The following IMPG1 variants were observed in gnomAD, a reference collection of about 807,000 sequenced individuals.
IMPG1 encodes the protein interphotoreceptor matrix proteoglycan 1.
IMPG1 carries 85 observed loss-of-function variants against 92.0 expected under a neutral mutation model. The ratio of observed to expected loss-of-function variants is 0.92; its 90% CI spans 0.78 to 1.11. IMPG1 has a LOEUF of 1.11. Among genes scored for constraint, IMPG1 ranks in the 50% least tolerant of loss-of-function variants. The pLI, the probability that IMPG1 is intolerant of heterozygous loss-of-function variation, is 0.00. For missense variants in IMPG1, 1,022 were observed against 956.0 expected, an observed-to-expected ratio of 1.07 and a Z score of -0.91; for synonymous variants, 367 against 334.1, an observed-to-expected ratio of 1.10 and a Z score of -1.08.
In IMPG1 at chr6:76,025,661, C is replaced by T. The variant is rs1050159841; in HGVS notation, c.498-403G>A. On this transcript the variant is annotated intron_variant, in intron 4 of 16. Transcript: ENST00000369950. ...CTAAAATCTCAGACCCTCAAGCCTG[C>T]ATATCCAGAGTCATTAAGCTTATCT... is the stretch of plus-strand genomic sequence containing the variant. 5.9e-5 allele frequency among the ~76,000 whole-genome samples: 9 copies of T among 152,278 alleles called. No homozygotes were observed. In the South Asian group the frequency reaches 1.9e-3, roughly 32 times the overall value.
At chr6:75,926,467 C>G (rs1025834020) in intron 15 of IMPG1, among the ~76,000 whole-genome samples, 7 of 152,144 alleles carry the variant, frequency 4.6e-5, no homozygotes, top group African/African-American at 1.7e-4. Flanking sequence ...GCGGTTACAA[C>G]AAGCACTTTG....
intron 12 of IMPG1, among the ~76,000 whole-genome samples, chr6:76,000,477 G>A (rs1782968361): frequency 1.3e-5 from 2 of 151,958 alleles, no homozygotes; most frequent in African/African-American, 2.4e-5. Context: ...ATCCATGTCT[G>A]TAAATCGCTA....
At chr6:76,013,601 T>C (rs746296031) in intron 7 of IMPG1, among the ~76,000 whole-genome samples, 1 of 152,178 alleles carries the variant, frequency 6.6e-6, no homozygotes, top group Non-Finnish European at 1.5e-5. Flanking sequence ...GTGAGGTACA[T>C]GTCAGTTTCC....
intron 9 of IMPG1, 109 bp from the exon 10 acceptor site, chr6:76,005,643 G>A (rs1783083722): frequency 1.9e-6 from 2 of 1,068,634 alleles, no homozygotes; most frequent in South Asian, 1.5e-5. Flanking sequence ...CCTCTTTCCT[G>A]ATGGGCTCGG....
At chr6:75,948,045 G>A (rs1429084946) in intron 13 of IMPG1, among the ~76,000 whole-genome samples, 1 of 152,210 alleles carries the variant, frequency 6.6e-6, no homozygotes, top group Non-Finnish European at 1.5e-5. Flanking sequence ...CAACACAAAT[G>A]TGGTGTAGTG....
At chr6:76,026,704 T>A (rs553864438) in intron 4 of IMPG1, among the ~76,000 whole-genome samples, 5 of 152,344 alleles carry the variant, frequency 3.3e-5, no homozygotes, top group South Asian at 2.1e-4. Flanking sequence ...CAGGCATTTT[T>A]AAATGTTTTT....
chr6:75,962,249 A>T (rs1320928072), intron 12 of IMPG1, among the ~76,000 whole-genome samples: 3 of 152,016 alleles, frequency 2.0e-5, no homozygotes, highest in Admixed American at 6.6e-5. Flanking sequence ...TCTCTTGAGT[A>T]GCTGGGACCA....
intron 1 of IMPG1, among the ~76,000 whole-genome samples, chr6:76,058,506 A>T: frequency 6.6e-6 from 1 of 152,308 alleles, no homozygotes; most frequent in African/African-American, 2.4e-5. Flanking sequence ...CAAGAAAACC[A>T]TAAAAGGGAG....
intron 15 of IMPG1, among the ~76,000 whole-genome samples, chr6:75,927,344 G>A (rs1053515278): frequency 6.6e-6 from 1 of 152,108 alleles, no homozygotes; most frequent in Non-Finnish European, 1.5e-5. Context: ...TTAAATTTGG[G>A]TCTAACTTTA....
At chr6:76,071,176 A>G (rs1784398308) in intron 1 of IMPG1, among the ~76,000 whole-genome samples, 1 of 148,200 alleles carries the variant, frequency 6.7e-6, no homozygotes, top group African/African-American at 2.4e-5. Context: ...GTTATATATA[A>G]AAATTATATA....
At chr6:76,045,800 C>A (rs2127595213) in intron 1 of IMPG1, among the ~76,000 whole-genome samples, 1 of 152,242 alleles carries the variant, frequency 6.6e-6, no homozygotes, top group East Asian at 1.9e-4. Flanking sequence ...AATGTTGTTA[C>A]TGAACTGAAC....
intron 12 of IMPG1, among the ~76,000 whole-genome samples, chr6:75,984,269 A>G (rs1782678382): frequency 6.6e-6 from 1 of 152,222 alleles, no homozygotes; most frequent in African/African-American, 2.4e-5. Flanking sequence ...TTGCACTCCC[A>G]TGTTCTTTGT....
chr6:76,072,605 A>AACCAAGAAGGTTAT lies in IMPG1; in HGVS notation c.-118_-117insATAACCTTCTTGGT. 1.6e-6 allele frequency: 1 copy of AACCAAGAAGGTTAT among 615,154 alleles called. No individual in the cohort carries two copies. The highest frequency in any genetic ancestry group is 2.8e-6 in the Non-Finnish European group (1 of 357,766). The allele number at this position is 615,154 out of a possible 1,614,324, so 38.1% of individuals were successfully genotyped here. On this transcript the variant is annotated 5_prime_UTR_variant, in exon 1 of 17. Coordinates refer to ENST00000369950, the MANE Select transcript of IMPG1 (RefSeq NM_001563.4). ...TATTGATACCAGATGATTGAGGATA[A>AACCAAGAAGGTTAT]CCTTCTTGGTTTACCTTTATGAGGG...
chr6:76,000,758 TC>T (rs1248315175), intron 12 of IMPG1, among the ~76,000 whole-genome samples: 6 of 152,182 alleles, frequency 3.9e-5, no homozygotes, highest in Non-Finnish European at 7.3e-5. Context: ...GAAAGTTACA[TC>T]CCTGCTTTAT....
intron 15 of IMPG1, among the ~76,000 whole-genome samples, chr6:75,924,755 T>TAATA (rs1781522462): frequency 1.4e-5 from 1 of 69,420 alleles, no homozygotes; most frequent in African/African-American, 5.5e-5. Context: ...ATATAATATA[T>TAATA]CATATAATTA....
In IMPG1 at chr6:75,924,547, ATAAT is replaced by A. The variant is rs1456845631; in HGVS notation, c.2244-845_2244-842del. ...ATATATTATAATATAATTATATAAT[ATAAT>A]TAATATAATTATATATTATATATAA... On this transcript the variant is annotated intron_variant, in intron 15 of 16. Transcript: ENST00000369950. Among the ~76,000 whole-genome samples, 25 of 42,292 alleles carry A rather than the reference ATAAT, an allele frequency of 5.9e-4. 2 individuals carry two copies. The highest frequency in any genetic ancestry group is 2.1e-3 in the African/African-American group (25 of 12,084). The allele number at this position is 42,292 out of a possible 152,430, so 27.7% of individuals were successfully genotyped here.
At chr6:75,935,159 T>C in intron 14 of IMPG1, 1 of 394,754 alleles carries the variant, frequency 2.5e-6, no homozygotes, top group Non-Finnish European at 5.3e-6. Context: ...GCACCCCAGC[T>C]GATTTCTGAC....
chr6:76,065,139 A>G (rs1437687611), intron 1 of IMPG1, among the ~76,000 whole-genome samples: 2 of 152,150 alleles, frequency 1.3e-5, no homozygotes, highest in African/African-American at 4.8e-5. Context: ...GAGGTAGTTT[A>G]TGCAGATAAG....
Position 75,932,413 on chromosome 6 carries a change from G to T in IMPG1, c.2045-1262C>A, listed in dbSNP as rs548208784. ...ATTACCTTAAAAATATTTTCCCTAG[G>T]TATTTTGATGACCCTCTTTACTTTC... On this transcript the variant is annotated intron_variant, in intron 14 of 16. Coordinates refer to ENST00000369950, the MANE Select transcript of IMPG1 (RefSeq NM_001563.4). 2.6e-3 allele frequency among the ~76,000 whole-genome samples: 398 copies of T among 152,224 alleles called. 3 individuals carry two copies. Among genetic ancestry groups the T allele is most frequent in the African/African-American group, 9.3e-3 (386 of 41,534 alleles).
Sources: allele counts gnomAD v4.1 joint callset (sites outside exome capture counted in the v4.1 genomes callset), GRCh38; gene constraint gnomAD v4.1.1; transcripts MANE v1.5; gene names NCBI Gene and HGNC (gene_info 2026-07-23, HGNC 2026-07-21).